PPFIA2: variants seen among roughly 807,000 people sequenced by gnomAD.
PPFIA2 encodes the protein liprin-alpha-2.
PPFIA2 carries 46 observed loss-of-function variants against 175.5 expected under a neutral mutation model. The observed-to-expected ratio is 0.26, with a 90% CI of 0.21 to 0.34. The LOEUF (loss-of-function observed/expected upper bound fraction) is 0.34, where lower values mean the gene tolerates loss of function less well. Among genes scored for constraint, PPFIA2 ranks in the 10% least tolerant of loss-of-function variants. The probability of loss-of-function intolerance (pLI) is 1.00; values close to 1 mark genes in which losing one functional copy is unlikely to be tolerated. For synonymous variants in PPFIA2, 568 were observed against 511.4 expected (o/e 1.11, Z -1.49); for missense variants, 1,179 against 1,506.1 (o/e 0.78, Z 3.60).
chr12:81,272,800 C>T (rs570914749), intron 28 of PPFIA2, among the ~76,000 whole-genome samples: 5 of 152,170 alleles, frequency 3.3e-5, no homozygotes, highest in East Asian at 1.9e-4. Context: ...ATAATAAGGG[C>T]AGATCAACTT....
In PPFIA2 at chr12:81,267,735, T is replaced by G. The variant is rs868081187; in HGVS notation, c.3486+177A>C. Among the ~76,000 whole-genome samples the G allele has an allele frequency of 7.2e-3, 1,071 of 149,548 alleles. 9 individuals carry two copies. The highest frequency in any genetic ancestry group is 0.021 in the Middle Eastern group (6 of 286). ...TTCTTGTTTAATTGTATGATTTTTT[T>G]TTTTTTTTTTTTGGCTAGAAATCCA... is the stretch of plus-strand genomic sequence containing the variant. On this transcript the variant is annotated intron_variant, in intron 29 of 32. Transcript: ENST00000549396.
chr12:81,739,080 C>T (rs1249123418), intron 3 of PPFIA2, among the ~76,000 whole-genome samples: 2 of 151,682 alleles, frequency 1.3e-5, no homozygotes, highest in Admixed American at 1.3e-4. Context: ...ATAGCAGCCT[C>T]AAAATATATG....
chr12:81,518,403 C>T (rs1415250186), intron 4 of PPFIA2, among the ~76,000 whole-genome samples: 1 of 152,150 alleles, frequency 6.6e-6, no homozygotes, highest in African/African-American at 2.4e-5. Flanking sequence ...CTTTTACTCC[C>T]TCAAATAGCC....
intron 3 of PPFIA2, among the ~76,000 whole-genome samples, chr12:81,682,611 T>C (rs1390534712): frequency 1.3e-5 from 2 of 152,106 alleles, no homozygotes; most frequent in Non-Finnish European, 1.5e-5. Flanking sequence ...TTTAAAATTA[T>C]TTCAAGTCTT....
Position 81,275,180 on chromosome 12 carries a change from T to C in PPFIA2, c.3310+2137A>G, listed in dbSNP as rs1441843038. On this transcript the variant is annotated intron_variant, in intron 28 of 32. Coordinates refer to ENST00000549396, the MANE Select transcript of PPFIA2 (RefSeq NM_003625.5). Reference sequence around the variant, plus strand: ...TGGTCCATTAATTCCCAAATTTCAATTCAACTGAACAGCAATGCACTGAAA... The same window carrying C: ...TGGTCCATTAATTCCCAAATTTCAACTCAACTGAACAGCAATGCACTGAAA... 9.2e-5 allele frequency among the ~76,000 whole-genome samples: 14 copies of C among 152,214 alleles called. 1 individual carries two copies. Among genetic ancestry groups the C allele is most frequent in the Admixed American group, 9.2e-4 (14 of 15,284 alleles).
At chr12:81,414,160 T>C (rs1223807969) in intron 7 of PPFIA2, among the ~76,000 whole-genome samples, 1 of 151,792 alleles carries the variant, frequency 6.6e-6, no homozygotes, top group African/African-American at 2.4e-5. Context: ...TCAGGTCTGA[T>C]TCCTTCAAAA....
chr12:81,547,153 T>G (rs2067131037), intron 4 of PPFIA2, among the ~76,000 whole-genome samples: 1 of 152,206 alleles, frequency 6.6e-6, no homozygotes, highest in Non-Finnish European at 1.5e-5. Flanking sequence ...ATTTATGAAC[T>G]ACACTCACTT....
intron 25 of PPFIA2, among the ~76,000 whole-genome samples, chr12:81,283,474 A>G (rs2042557270): frequency 6.6e-6 from 1 of 152,068 alleles, no homozygotes; most frequent in Admixed American, 6.6e-5. Flanking sequence ...AATCAAATCG[A>G]TTTCAACAAC....
intron 4 of PPFIA2, among the ~76,000 whole-genome samples, chr12:81,460,770 G>A (rs1426173952): frequency 6.6e-6 from 1 of 152,008 alleles, no homozygotes; most frequent in Admixed American, 6.6e-5. Flanking sequence ...CAGTATGTTA[G>A]GTCCTCTGCC....
chr12:81,397,436 G>A (rs769296828), intron 8 of PPFIA2, among the ~76,000 whole-genome samples: 1 of 151,998 alleles, frequency 6.6e-6, no homozygotes, highest in African/African-American at 2.4e-5. Context: ...TGCAAGTGAA[G>A]AAGTATATGA....
In PPFIA2 at chr12:81,748,801, T is replaced by G; in HGVS notation, c.249+5172A>C. 1.4e-5 allele frequency among the ~76,000 whole-genome samples: 2 copies of G among 144,228 alleles called. 1 individual carries two copies. Among genetic ancestry groups the G allele is most frequent in the Non-Finnish European group, 3.1e-5 (2 of 64,382 alleles). The allele number at this position is 144,228 out of a possible 152,430, so 94.6% of individuals were successfully genotyped here. Reference sequence around the variant, plus strand: ...TTATGTAATCCATCCAAAATCAAGATTGTAAAATAATTTTTCTTCATGATC... The same window carrying G: ...TTATGTAATCCATCCAAAATCAAGAGTGTAAAATAATTTTTCTTCATGATC... On this transcript the variant is annotated intron_variant, in intron 3 of 32. Coordinates refer to ENST00000549396, the MANE Select transcript of PPFIA2 (RefSeq NM_003625.5).
At chr12:81,717,563 T>A (rs2078792484) in intron 3 of PPFIA2, among the ~76,000 whole-genome samples, 1 of 151,742 alleles carries the variant, frequency 6.6e-6, no homozygotes, top group South Asian at 2.1e-4. Context: ...CCCAGAAGCA[T>A]AATGAGAGCT....
chr12:81,726,331 G>C (rs1259853946), intron 3 of PPFIA2, among the ~76,000 whole-genome samples: 1 of 151,058 alleles, frequency 6.6e-6, no homozygotes, highest in Non-Finnish European at 1.5e-5. Context: ...TCTGTCTGGA[G>C]GAAAAGAAAA....
At chr12:81,521,439 A>T (rs1304251859) in intron 4 of PPFIA2, among the ~76,000 whole-genome samples, 1 of 152,206 alleles carries the variant, frequency 6.6e-6, no homozygotes, top group Non-Finnish European at 1.5e-5. Context: ...CACAGTGGTA[A>T]GTACAGTGTA....
chr12:81,285,441 A>C (rs2043089450), intron 24 of PPFIA2, among the ~76,000 whole-genome samples: 1 of 152,110 alleles, frequency 6.6e-6, no homozygotes, highest in Non-Finnish European at 1.5e-5. Flanking sequence ...CTGTATTAAA[A>C]ACAAATGTAA....
chr12:81,312,164 A>T (rs1250544263), intron 22 of PPFIA2: 36 of 1,534,934 alleles, frequency 2.3e-5, no homozygotes, highest in Non-Finnish European at 3.0e-5. Flanking sequence ...ACTTACCCAG[A>T]TGTGCTTTTC....
chr12:81,590,226 A>G (rs961418762), intron 4 of PPFIA2, among the ~76,000 whole-genome samples: 9 of 152,156 alleles, frequency 5.9e-5, no homozygotes, highest in Non-Finnish European at 1.3e-4. Context: ...ATTTGAACAC[A>G]TAACACATGC....
At chr12:81,410,892 G>T (rs986155863) in intron 7 of PPFIA2, among the ~76,000 whole-genome samples, 2 of 152,116 alleles carry the variant, frequency 1.3e-5, no homozygotes, top group Non-Finnish European at 2.9e-5. Flanking sequence ...GAAAACACAT[G>T]GAAGAGATGA....
At chr12:81,739,036 G>T (rs960345166) in intron 3 of PPFIA2, among the ~76,000 whole-genome samples, 1 of 151,802 alleles carries the variant, frequency 6.6e-6, no homozygotes, top group South Asian at 2.1e-4. Context: ...AACTGGCCAC[G>T]AAGTTATACA....
Sources: gnomAD v4.1 joint callset for allele counts (sites outside exome capture counted in the v4.1 genomes callset) on GRCh38, gnomAD v4.1.1 for gene constraint, MANE v1.5 for transcripts, NCBI Gene and HGNC (gene_info 2026-07-23, HGNC 2026-07-21) for gene names.